ATL1: variants seen among roughly 807,000 people sequenced by gnomAD.
ATL1 encodes atlastin GTPase 1.
Under a neutral mutation model 75.5 loss-of-function variants are expected in ATL1, and 31 were observed. That is an observed-to-expected ratio of 0.41 (90% CI 0.31 to 0.55). The LOEUF is 0.55. Among genes scored for constraint, ATL1 ranks in the 20% least tolerant of loss-of-function variants. The pLI, the probability that ATL1 is intolerant of heterozygous loss-of-function variation, is 0.27. For missense variants in ATL1, 405 were observed against 662.6 expected (o/e 0.61, Z 4.27); for synonymous variants, 226 against 233.3 (o/e 0.97, Z 0.28).
chr14:50,617,074 G>C (rs2039422666), intron 8 of ATL1, among the ~76,000 whole-genome samples: 1 of 152,162 alleles, frequency 6.6e-6, no homozygotes, highest in Non-Finnish European at 1.5e-5. Context: ...TTCACACACA[G>C]AAATAACTTT....
chr14:50,625,261 G>T (rs1566734626), intron 11 of ATL1, among the ~76,000 whole-genome samples: 1 of 152,178 alleles, frequency 6.6e-6, no homozygotes, highest in Admixed American at 6.5e-5. Context: ...AATGCTGAAA[G>T]AGTTGGTAAA....
chr14:50,553,306 G>A (rs968640410), intron 1 of ATL1, among the ~76,000 whole-genome samples: 3 of 149,296 alleles, frequency 2.0e-5, no homozygotes, highest in Admixed American at 6.7e-5. Flanking sequence ...GACATGAATA[G>A]ACAATTCTTG....
At chr14:50,543,497 A>T (rs2038591807) in intron 1 of ATL1, among the ~76,000 whole-genome samples, 2 of 152,240 alleles carry the variant, frequency 1.3e-5, no homozygotes, top group South Asian at 4.1e-4. Context: ...TGTATCACAA[A>T]TATCTTTGAG....
rs146915809 is a variant in ATL1 at position 50,614,871 on chromosome 14, G to A, written c.862+360G>A. Reference sequence around the variant, plus strand: ...CAGATGTCTATAGTATTGGAATTCTGTATTAAGTTATGTAATTAGAGATTG... The same window carrying A: ...CAGATGTCTATAGTATTGGAATTCTATATTAAGTTATGTAATTAGAGATTG... On this transcript the variant is annotated intron_variant, in intron 8 of 13. Transcript: ENST00000358385. Among the ~76,000 whole-genome samples, 78 of 152,222 alleles carry A rather than the reference G, an allele frequency of 5.1e-4. No individual in the cohort carries two copies. The East Asian group carries it at 0.014, about 27-fold the overall frequency.
In ATL1 at chr14:50,628,341, G is replaced by C; in HGVS notation, c.1430G>C (p.Cys477Ser). 1.9e-6 allele frequency: 3 copies of C among 1,614,156 alleles called. No homozygotes were observed. Among genetic ancestry groups the C allele is most frequent in the Non-Finnish European group, 2.5e-6 (3 of 1,180,026 alleles). The change falls in exon 12 of 14, where the codon TGC (cysteine) becomes TCC (serine). Residue 477 changes from cysteine to serine, a missense_variant. This residue lies in a region of ATL1 where 163 missense variants were observed against 244.1 expected (regional missense o/e 0.67). Coordinates refer to ENST00000358385, the MANE Select transcript of ATL1 (RefSeq NM_015915.5). ...GGTTTGGACATCATAGCTAGCCTAT[G>C]CAATATGATAATGGGACTGACCCTT... ...FIGLDIIASL[C>S]NMIMGLTLIT...
chr14:50,550,580 T>C (rs1430313744), intron 1 of ATL1, among the ~76,000 whole-genome samples: 1 of 152,178 alleles, frequency 6.6e-6, no homozygotes, highest in Non-Finnish European at 1.5e-5. Flanking sequence ...CCAGGATCAC[T>C]AGGGATTGTC....
chr14:50,577,687 T>G (rs1469325113), intron 1 of ATL1, among the ~76,000 whole-genome samples: 1 of 152,170 alleles, frequency 6.6e-6, no homozygotes, highest in African/African-American at 2.4e-5. Context: ...CAGCTCTGGG[T>G]AACCACCAAT....
At chr14:50,602,038 G>A (rs776867664) in intron 6 of ATL1, among the ~76,000 whole-genome samples, 5 of 152,142 alleles carry the variant, frequency 3.3e-5, no homozygotes, top group Non-Finnish European at 5.9e-5. Context: ...ACATTGTTCT[G>A]TATTGGGATG....
upstream of ATL1, among the ~76,000 whole-genome samples, chr14:50,557,325 T>G (rs2038776671): frequency 6.6e-6 from 1 of 152,222 alleles, no homozygotes; most frequent in Non-Finnish European, 1.5e-5. Context: ...TCTACCCTAT[T>G]CCCACCCATC....
chr14:50,590,017 G>A (rs983243405), intron 2 of ATL1, among the ~76,000 whole-genome samples: 1 of 152,132 alleles, frequency 6.6e-6, no homozygotes, highest in Non-Finnish European at 1.5e-5. Flanking sequence ...AAATCTATGG[G>A]ATATTTTCCA....
Position 50,545,881 on chromosome 14 carries a change from A to T in ATL1, c.-140+12514A>T, listed in dbSNP as rs556320981. Among the ~76,000 whole-genome samples, 8 of 152,330 alleles carry T rather than the reference A, an allele frequency of 5.3e-5. No individual in the cohort carries two copies. The East Asian group carries it at 1.5e-3, about 29-fold the overall frequency. ...GTGCACCTTTTTAAACTGATGGCCA[A>T]ATTACAGCAAGAAAAATCCAGAGCT... On this transcript the variant is annotated intron_variant, in intron 1 of 13. Coordinates refer to the ATL1 transcript ENST00000441560.
chr14:50,627,344 A>T (rs1233449545), intron 11 of ATL1, among the ~76,000 whole-genome samples: 4 of 152,156 alleles, frequency 2.6e-5, no homozygotes, highest in African/African-American at 7.2e-5. Flanking sequence ...ATTAGGAAAT[A>T]AAAAAAATCA....
Position 50,587,899 on chromosome 14 carries a change from G to A in ATL1, c.103G>A (p.Val35Ile). ...EEEPVKKAGPVQVLIVKDDHS... is the reference protein window; with the variant it reads ...EEEPVKKAGPIQVLIVKDDHS... ...GGAGCCAGTGAAAAAGGCAGGACCA[G>A]TCCAAGTCCTCATTGTCAAAGATGA... Residue 35 changes from valine to isoleucine, a missense_variant, in exon 2 of 14, where the codon GTC becomes ATC. By Grantham distance (29) the Val-to-Ile change is conservative. Around this residue, in one of 5 missense-constraint regions of ATL1, gnomAD observed 126 missense variants for 172.0 expected, o/e 0.73. Transcript: ENST00000358385. 6.2e-7 allele frequency: 1 copy of A among 1,614,184 alleles called. No homozygotes were observed. Among genetic ancestry groups the A allele is most frequent in the Non-Finnish European group, 8.5e-7 (1 of 1,180,026 alleles).
chr14:50,562,119 A>G (rs1439179931), intron 1 of ATL1, among the ~76,000 whole-genome samples: 2 of 151,284 alleles, frequency 1.3e-5, no homozygotes, highest in African/African-American at 4.9e-5. Flanking sequence ...TTCTGGGCTC[A>G]CTGCAAGCTC....
intron 4 of ATL1, among the ~76,000 whole-genome samples, chr14:50,592,107 G>GCT (rs1432595704): frequency 6.6e-6 from 1 of 152,034 alleles, no homozygotes; most frequent in Non-Finnish European, 1.5e-5. Context: ...AAAGTAAATA[G>GCT]CTTATATATA....
At chr14:50,553,357 C>G (rs764414353) in intron 1 of ATL1, among the ~76,000 whole-genome samples, 2 of 151,202 alleles carry the variant, frequency 1.3e-5, no homozygotes, top group African/African-American at 2.4e-5. Flanking sequence ...TGAAAAAATG[C>G]TCAAAATCAC....
intron 4 of ATL1, among the ~76,000 whole-genome samples, chr14:50,593,384 A>G (rs1463593228): frequency 6.6e-6 from 1 of 152,190 alleles, no homozygotes; most frequent in Non-Finnish European, 1.5e-5. Flanking sequence ...TCACATATAT[A>G]TATAAGGATG....
intron 1 of ATL1, among the ~76,000 whole-genome samples, chr14:50,580,574 T>C (rs962808182): frequency 1.3e-5 from 2 of 152,192 alleles, no homozygotes; most frequent in African/African-American, 4.8e-5. Flanking sequence ...CATGTGTTTG[T>C]GATATTTAAA....
intron 8 of ATL1, among the ~76,000 whole-genome samples, chr14:50,620,258 AAAAC>A (rs1218744917): frequency 6.6e-6 from 1 of 152,232 alleles, no homozygotes; most frequent in Non-Finnish European, 1.5e-5. Flanking sequence ...ACTTCATTTC[AAAAC>A]AAACAAACAA....
Sources: gnomAD v4.1 joint callset for allele counts (sites outside exome capture counted in the v4.1 genomes callset) on GRCh38, gnomAD v4.1.1 for gene constraint, gnomAD v4.1.1 regional missense constraint, MANE v1.5 for transcripts, NCBI Gene and HGNC (gene_info 2026-07-23, HGNC 2026-07-21) for gene names.